MUSK: variants seen among roughly 807,000 people sequenced by gnomAD.
MUSK encodes the protein muscle associated receptor tyrosine kinase.
In MUSK, 55 loss-of-function variants were observed where a neutral mutation model predicts 88.7. The ratio of observed to expected loss-of-function variants is 0.62; its 90% confidence interval spans 0.50 to 0.78. The LOEUF (loss-of-function observed/expected upper bound fraction) is 0.78, where lower values mean the gene tolerates loss of function less well. Among genes scored for constraint, MUSK ranks in the 30% least tolerant of loss-of-function variants. The probability of loss-of-function intolerance (pLI) is 0.00; values close to 1 mark genes in which losing one functional copy is unlikely to be tolerated. For synonymous variants in MUSK, 387 were observed against 391.9 expected (o/e 0.99, Z 0.15); for missense variants, 1,015 against 1,074.3 (o/e 0.94, Z 0.77).
chr9:110,737,111 T>C (rs1445465362), intron 6 of MUSK, among the ~76,000 whole-genome samples: 1 of 152,074 alleles, frequency 6.6e-6, no homozygotes, highest in South Asian at 2.1e-4. Context: ...TCTTAGTTTG[T>C]TACATCTGTT....
At chr9:110,705,122 GA>G (rs947104561) in intron 5 of MUSK, among the ~76,000 whole-genome samples, 27 of 151,418 alleles carry the variant, frequency 1.8e-4, no homozygotes, top group South Asian at 1.7e-3. Context: ...TTATGCTTTG[GA>G]AAAAAAACAC....
chr9:110,680,936 T>C (rs1468433749), intron 1 of MUSK, among the ~76,000 whole-genome samples: 1 of 70,158 alleles, frequency 1.4e-5, no homozygotes, highest in African/African-American at 9.4e-5. Context: ...ATGTTCTGTA[T>C]ATTATAATGA....
intron 14 of MUSK, among the ~76,000 whole-genome samples, chr9:110,799,897 T>G (rs190304028): frequency 6.6e-6 from 1 of 152,030 alleles, no homozygotes; most frequent in Admixed American, 6.5e-5. Flanking sequence ...GGCAGAGAAA[T>G]AGGGTCAGGG....
At chr9:110,762,470 A>G (rs908782801) in intron 8 of MUSK, among the ~76,000 whole-genome samples, 2 of 152,214 alleles carry the variant, frequency 1.3e-5, no homozygotes, top group Non-Finnish European at 2.9e-5. Flanking sequence ...AATACTTACT[A>G]TGGATCGGGC....
chr9:110,737,197 C>T (rs2077040889), intron 6 of MUSK, among the ~76,000 whole-genome samples: 1 of 151,968 alleles, frequency 6.6e-6, no homozygotes, highest in African/African-American at 2.4e-5. Flanking sequence ...ACATCTGAGA[C>T]AGAAACCTAC....
chr9:110,771,926 A>G (rs902014475), intron 9 of MUSK, among the ~76,000 whole-genome samples: 2 of 152,124 alleles, frequency 1.3e-5, no homozygotes, highest in African/African-American at 4.8e-5. Flanking sequence ...AATCCTTGCC[A>G]ACAAATGTGT....
Position 110,805,063 on chromosome 9 carries a change from T to C in MUSK, c.*4075T>C, listed in dbSNP as rs2078145814. ...GGTTGAATAGTATTATACAGATTTA[T>C]CGTAATTGACATAACTATTCTACTG... is the stretch of plus-strand genomic sequence containing the variant. On this transcript the variant is annotated 3_prime_UTR_variant, in exon 15 of 15. Coordinates refer to ENST00000374448, the MANE Select transcript of MUSK (RefSeq NM_005592.4). 6.6e-6 allele frequency among the ~76,000 whole-genome samples: 1 copy of C among 152,108 alleles called. No homozygotes were observed. The highest frequency in any genetic ancestry group is 2.1e-4 in the South Asian group (1 of 4,828).
intron 5 of MUSK, among the ~76,000 whole-genome samples, chr9:110,722,102 C>CA (rs1202676608): frequency 6.6e-6 from 1 of 152,146 alleles, no homozygotes; most frequent in Non-Finnish European, 1.5e-5. Flanking sequence ...CAAGATAGAT[C>CA]AAGGACTTAA....
intron 5 of MUSK, among the ~76,000 whole-genome samples, chr9:110,721,191 G>A (rs1202166920): frequency 2.0e-5 from 3 of 152,066 alleles, no homozygotes; most frequent in Non-Finnish European, 4.4e-5. Context: ...AGACAAGGAT[G>A]CCCACTTTCA....
intron 5 of MUSK, among the ~76,000 whole-genome samples, chr9:110,714,311 C>T (rs1402237424): frequency 1.3e-5 from 2 of 152,128 alleles, no homozygotes; most frequent in Non-Finnish European, 2.9e-5. Flanking sequence ...CCACTATTCA[C>T]CATCCATATT....
chr9:110,728,612 A>T, intron 5 of MUSK: 1 of 929,786 alleles, frequency 1.1e-6, no homozygotes, highest in Non-Finnish European at 1.7e-6. Context: ...GTGGTCAAAG[A>T]TTTCCCTTTT....
At chr9:110,741,167 AGAT>A (rs1385287130) in intron 6 of MUSK, among the ~76,000 whole-genome samples, 3 of 152,184 alleles carry the variant, frequency 2.0e-5, no homozygotes, top group Non-Finnish European at 4.4e-5. Context: ...TAACCATGTG[AGAT>A]GATACTTCAC....
chr9:110,765,356 C>T (rs2077464549), intron 8 of MUSK, among the ~76,000 whole-genome samples: 1 of 152,120 alleles, frequency 6.6e-6, no homozygotes, highest in Non-Finnish European at 1.5e-5. Flanking sequence ...ATTTCGTAAA[C>T]CAGTTTGAGA....
chr9:110,764,312 A>G (rs540345755), intron 8 of MUSK, among the ~76,000 whole-genome samples: 40 of 152,208 alleles, frequency 2.6e-4, no homozygotes, highest in Non-Finnish European at 2.4e-4. Context: ...TCACTTACAA[A>G]AGACAACAGA....
chr9:110,798,182 T>G (rs1173946767), intron 14 of MUSK, among the ~76,000 whole-genome samples: 3 of 152,154 alleles, frequency 2.0e-5, no homozygotes, highest in Admixed American at 6.5e-5. Context: ...TGAAATAAGA[T>G]GACAATAGTG....
At chr9:110,705,613 T>C (rs1253243334) in intron 5 of MUSK, among the ~76,000 whole-genome samples, 2 of 152,232 alleles carry the variant, frequency 1.3e-5, no homozygotes, top group Admixed American at 6.5e-5. Context: ...TCAGTGAACA[T>C]TTTCCACACT....
At chr9:110,778,162 A>T (rs1179029272) in intron 11 of MUSK, among the ~76,000 whole-genome samples, 1 of 152,090 alleles carries the variant, frequency 6.6e-6, no homozygotes, top group Non-Finnish European at 1.5e-5. Flanking sequence ...TCATTTGTTT[A>T]TCTTTGCATT....
At chr9:110,800,117 T>G (rs2078068445) in intron 14 of MUSK, among the ~76,000 whole-genome samples, 189 bp from the exon 15 acceptor site, 1 of 151,916 alleles carries the variant, frequency 6.6e-6, no homozygotes, top group Non-Finnish European at 1.5e-5. Context: ...CTACCCAGAG[T>G]GCATTTCCTA....
intron 2 of MUSK, among the ~76,000 whole-genome samples, chr9:110,684,405 G>A (rs888860637): frequency 7.2e-5 from 11 of 152,046 alleles, no homozygotes; most frequent in Admixed American, 5.9e-4. Flanking sequence ...AGTATGATTT[G>A]AAGTAAGGCA....
Sources: gnomAD v4.1 joint callset for allele counts (sites outside exome capture counted in the v4.1 genomes callset) on GRCh38, gnomAD v4.1.1 for gene constraint, MANE v1.5 for transcripts, NCBI Gene and HGNC (gene_info 2026-07-23, HGNC 2026-07-21) for gene names.